Variants in RGS17 observed in about 807,000 individuals in gnomAD.
The protein encoded by RGS17 is regulator of G-protein signaling 17.
In RGS17, 12 loss-of-function variants were observed where a neutral mutation model predicts 25.5. The observed-to-expected ratio is 0.47, with a 90% confidence interval of 0.30 to 0.76. The LOEUF (loss-of-function observed/expected upper bound fraction) is 0.76, where lower values mean the gene tolerates loss of function less well. RGS17 is among the 30% of genes least tolerant of loss of function. RGS17 has a pLI of 0.07. For synonymous variants in RGS17, 71 were observed against 76.9 expected (o/e 0.92, Z 0.40); for missense variants, 196 against 242.2 (o/e 0.81, Z 1.27).
At chr6:153,106,031 C>T (rs1457415587) in intron 1 of RGS17, among the ~76,000 whole-genome samples, 2 of 152,024 alleles carry the variant, frequency 1.3e-5, no homozygotes, top group South Asian at 4.1e-4. Flanking sequence ...AGAGCAGAAA[C>T]GGAGAAACAG....
chr6:153,080,388 G>A (rs143654345), intron 1 of RGS17, among the ~76,000 whole-genome samples: 14 of 152,008 alleles, frequency 9.2e-5, no homozygotes, highest in Middle Eastern at 3.4e-3. Context: ...AAGATTTATC[G>A]CGCTACCCTC....
chr6:153,088,925 A>C (rs1387923452), intron 1 of RGS17, among the ~76,000 whole-genome samples: 1 of 105,248 alleles, frequency 9.5e-6, no homozygotes, highest in African/African-American at 3.2e-5. Flanking sequence ...AGATTATTGT[A>C]AGGGAAAAAG....
Position 153,011,794 on chromosome 6 carries a change from A to G in RGS17, c.445-32T>C, listed in dbSNP as rs202100422. 5 of 397,118 alleles carry G rather than the reference A, an allele frequency of 1.3e-5. No homozygotes were observed. In the African/African-American group the frequency reaches 2.4e-4, roughly 19 times the overall value. The allele number at this position is 397,118 out of a possible 1,614,324, so 24.6% of individuals were successfully genotyped here. A position where few individuals can be genotyped will look rare whatever the true frequency, so the allele number is the denominator to read the frequency against. ...AGAAACAAGAGCAAATACATTAAAT[A>G]ATATTTTTTTCAAAAGACCTCAATT... On this transcript the variant is annotated intron_variant, in intron 4 of 4. Coordinates refer to ENST00000206262, the MANE Select transcript of RGS17 (RefSeq NM_012419.5).
rs914166130 is a variant in RGS17 at position 153,130,464 on chromosome 6, C to T, written c.-26+660G>A. ...GAAGGAACAAAAGAGACCCCCCACC[C>T]CCTATACATACATACACATACACAC... On this transcript the variant is annotated intron_variant, in intron 1 of 4. Coordinates refer to ENST00000206262, the MANE Select transcript of RGS17 (RefSeq NM_012419.5). The surrounding 1 kb of genome is among the most constrained non-coding windows in gnomAD (Gnocchi z 6.4). Among the ~76,000 whole-genome samples the T allele has an allele frequency of 1.4e-5, 2 of 144,602 alleles. No homozygotes were observed. The highest frequency in any genetic ancestry group is 4.3e-4 in the South Asian group (2 of 4,666). The allele number at this position is 144,602 out of a possible 152,430, so 94.9% of individuals were successfully genotyped here.
intron 3 of RGS17, among the ~76,000 whole-genome samples, chr6:153,025,521 GA>G (rs1779290388): frequency 6.6e-6 from 1 of 151,416 alleles, no homozygotes. Flanking sequence ...GTAGAAGACA[GA>G]AACTTGGAGA....
intron 1 of RGS17, among the ~76,000 whole-genome samples, chr6:153,056,370 G>C (rs1030418007): frequency 6.6e-5 from 10 of 152,150 alleles, no homozygotes; most frequent in African/African-American, 2.4e-4. Context: ...CCATGCACAG[G>C]ATAAGAGGAT....
chr6:153,024,532 CT>C (rs762755984), intron 3 of RGS17, 36 bp from the exon 4 acceptor site: 798 of 1,477,914 alleles, frequency 5.4e-4, no homozygotes, highest in Middle Eastern at 8.7e-4. Flanking sequence ...TCAAAGGGAA[CT>C]TTGTGACCAG....
At chr6:153,039,425 C>A (rs1031807178) in intron 2 of RGS17, among the ~76,000 whole-genome samples, 5 of 152,136 alleles carry the variant, frequency 3.3e-5, no homozygotes, top group Non-Finnish European at 7.3e-5. Flanking sequence ...GCCAGTGATA[C>A]TTCATTCTTC....
At position 153,025,482 on chromosome 6, in the gene RGS17, A is replaced by T. The variant is rs370275162; in HGVS notation, c.209+972T>A. ...TAGGTGACTGCAAAAACCACTAGTA[A>T]TTAATCCACTTGCTTATACATTAAA... On this transcript the variant is annotated intron_variant, in intron 3 of 4. Coordinates refer to ENST00000206262, the MANE Select transcript of RGS17 (RefSeq NM_012419.5). 7.3e-4 allele frequency among the ~76,000 whole-genome samples: 111 copies of T among 151,954 alleles called. 1 individual carries two copies. Among genetic ancestry groups the T allele is most frequent in the African/African-American group, 2.5e-3 (102 of 41,476 alleles).
At chr6:153,054,112 ATG>A (rs1397389145) in intron 1 of RGS17, among the ~76,000 whole-genome samples, 6,766 of 68,462 alleles carry the variant, frequency 0.099, 1,300 homozygotes, top group African/African-American at 0.12. Flanking sequence ...ATATATATAT[ATG>A]TGTATATATA....
Position 153,107,717 on chromosome 6 carries a change from G to C in RGS17, c.-26+23407C>G, listed in dbSNP as rs575182938. ...TTGCTCTGTTTCACCTGAAATCGTT[G>C]CAAGTGTTGGTTGGGTACCTGCTAC... On this transcript the variant is annotated intron_variant, in intron 1 of 4. Transcript: ENST00000206262. Among the ~76,000 whole-genome samples the C allele has an allele frequency of 1.6e-4, 25 of 152,320 alleles. 1 individual carries two copies. In the East Asian group the frequency reaches 3.1e-3, roughly 19 times the overall value.
intron 1 of RGS17, among the ~76,000 whole-genome samples, chr6:153,053,103 T>C (rs956813103): frequency 6.6e-6 from 1 of 152,240 alleles, no homozygotes; most frequent in Non-Finnish European, 1.5e-5. Flanking sequence ...CATTTTGTTA[T>C]AGCAGCCTGA....
intron 1 of RGS17, among the ~76,000 whole-genome samples, chr6:153,067,461 T>C (rs1267645955): frequency 6.6e-6 from 1 of 152,146 alleles, no homozygotes; most frequent in Non-Finnish European, 1.5e-5. Flanking sequence ...TTCAGTAAAG[T>C]TGCAGTGTAT....
At chr6:153,053,734 A>G (rs1180809584) in intron 1 of RGS17, among the ~76,000 whole-genome samples, 1 of 151,480 alleles carries the variant, frequency 6.6e-6, no homozygotes, top group Non-Finnish European at 1.5e-5. Context: ...TCGAGGCTGC[A>G]GTGACCTAGG....
At chr6:153,031,661 C>G (rs1373147441) in intron 2 of RGS17, among the ~76,000 whole-genome samples, 3 of 152,216 alleles carry the variant, frequency 2.0e-5, no homozygotes, top group Non-Finnish European at 4.4e-5. Context: ...TGCCATTTCT[C>G]TTTACATAGA....
chr6:153,054,880 T>C (rs950161133), intron 1 of RGS17, among the ~76,000 whole-genome samples: 2 of 152,132 alleles, frequency 1.3e-5, no homozygotes, highest in African/African-American at 4.8e-5. Flanking sequence ...TTGGAACAGA[T>C]CACTCCTATT....
chr6:153,018,772 AGTCCAGTGCTT>A (rs1401969306), intron 4 of RGS17, among the ~76,000 whole-genome samples: 2 of 152,236 alleles, frequency 1.3e-5, no homozygotes, highest in African/African-American at 4.8e-5. Context: ...CCCAACATCT[AGTCCAGTGCTT>A]GGCTCATAGG....
At chr6:153,061,250 G>GT (rs1216551441) in intron 1 of RGS17, among the ~76,000 whole-genome samples, 3 of 152,160 alleles carry the variant, frequency 2.0e-5, no homozygotes, top group African/African-American at 7.2e-5. Context: ...AGCAGCTTTT[G>GT]TCAGAAATAC....
chr6:153,060,521 C>T (rs560230916), intron 1 of RGS17, among the ~76,000 whole-genome samples: 1 of 152,272 alleles, frequency 6.6e-6, no homozygotes, highest in South Asian at 2.1e-4. Context: ...TCCTACAAGG[C>T]TCTGAGCTCT....
Sources: gnomAD v4.1 joint callset for allele counts (sites outside exome capture counted in the v4.1 genomes callset) on GRCh38, gnomAD v4.1.1 for gene constraint, Gnocchi (gnomAD v3.1) non-coding constraint, MANE v1.5 for transcripts, NCBI Gene and HGNC (gene_info 2026-07-23, HGNC 2026-07-21) for gene names.